The following AHCYL1 variants were observed in gnomAD, a reference collection of about 807,000 sequenced individuals.
AHCYL1 encodes the protein adenosylhomocysteinase like 1.
Under a neutral mutation model 79.3 loss-of-function variants are expected in AHCYL1, and 20 were observed. The ratio of observed to expected loss-of-function variants is 0.25; its 90% CI spans 0.18 to 0.37. The LOEUF is 0.37. Among genes scored for constraint, AHCYL1 ranks in the 10% least tolerant of loss-of-function variants. The probability of loss-of-function intolerance (pLI) is 1.00; values close to 1 mark genes in which losing one functional copy is unlikely to be tolerated. For synonymous variants in AHCYL1, 223 were observed against 242.2 expected (o/e 0.92, Z 0.74); for missense variants, 330 against 673.6 (o/e 0.49, Z 5.65).
intron 1 of AHCYL1, among the ~76,000 whole-genome samples, chr1:109,993,879 C>T (rs1649887606): frequency 2.0e-5 from 3 of 152,124 alleles, no homozygotes; most frequent in African/African-American, 7.2e-5. Flanking sequence ...AACAGGGAGG[C>T]TTTCACATAG....
intron 1 of AHCYL1, among the ~76,000 whole-genome samples, chr1:109,992,731 G>C (rs542498140): frequency 6.6e-6 from 1 of 152,182 alleles, no homozygotes; most frequent in Non-Finnish European, 1.5e-5. Context: ...GTAGAACAAT[G>C]GTTCTTACTC....
chr1:110,008,142 C>T (rs1471588433), intron 1 of AHCYL1, among the ~76,000 whole-genome samples: 1 of 151,102 alleles, frequency 6.6e-6, no homozygotes, highest in African/African-American at 2.4e-5. Context: ...CTGCCTCAGG[C>T]TCCCAAGTAG....
rs914315516 is a variant in AHCYL1 at position 110,016,548 on chromosome 1, G to A, written c.899+88G>A. 4 of 1,557,204 alleles carry A rather than the reference G, an allele frequency of 2.6e-6. No homozygotes were observed. The African/African-American group carries it at 4.1e-5, about 16-fold the overall frequency. ...TTTATTAGAGGGACCATTTCATACT[G>A]AGCTCAACCAGCTTCCAATTGATAT... On this transcript the variant is annotated intron_variant, in intron 8 of 16. Coordinates refer to ENST00000369799, the MANE Select transcript of AHCYL1 (RefSeq NM_006621.7).
At position 110,014,776 on chromosome 1, in the gene AHCYL1, C is replaced by T. The variant is rs144479834; in HGVS notation, c.594C>T (p.Phe198=). The change falls in exon 6 of 17, where the codon TTC becomes TTT. Residue 198 remains phenylalanine (F), a synonymous_variant. Coordinates refer to ENST00000369799, the MANE Select transcript of AHCYL1 (RefSeq NM_006621.7). ...CTGTCTCTACAGGAGTTGCAGTGTT[C>T]GCTTGGAAGGGCGAGTCAGAAGATG... is the stretch of plus-strand genomic sequence containing the variant. ...AALAEAGVAV[F]AWKGESEDDF... 50 of 1,614,062 alleles carry T rather than the reference C, an allele frequency of 3.1e-5. No homozygotes were observed. The African/African-American group carries it at 4.4e-4, about 14-fold the overall frequency.
In AHCYL1 at chr1:110,019,529, C is replaced by T. The variant is rs760509246; in HGVS notation, c.1387-19C>T. 10 of 1,583,248 alleles carry T rather than the reference C, an allele frequency of 6.3e-6. No individual in the cohort carries two copies. The highest frequency in any genetic ancestry group is 4.5e-5 in the East Asian group (2 of 44,732). On this transcript the variant is annotated intron_variant, in intron 14 of 16. Transcript: ENST00000369799. ...TAAGAAATATTTTTGTGCTTTCTGG[C>T]CTTCTTTTCCCACCTTAGGCTTTGG...
In AHCYL1 at chr1:109,984,796, T is replaced by A. The variant is rs1649367803; in HGVS notation, c.-257T>A. The A allele has an allele frequency of 2.8e-6, 1 of 356,946 alleles. No individual in the cohort carries two copies. The highest frequency in any genetic ancestry group is 2.2e-5 in the African/African-American group (1 of 45,306). The allele number at this position is 356,946 out of a possible 1,614,324, so 22.1% of individuals were successfully genotyped here. On this transcript the variant is annotated 5_prime_UTR_variant, in exon 1 of 17. Coordinates refer to ENST00000369799, the MANE Select transcript of AHCYL1 (RefSeq NM_006621.7). ...CGTGCGTGTTTGCGTACAGCGGAGG[T>A]GGCGGCGCGGGCAGGTCGGAGCTCG... is the stretch of plus-strand genomic sequence containing the variant.
intron 13 of AHCYL1, 60 bp downstream of exon 13, chr1:110,018,710 G>T (rs1207920614): frequency 4.2e-6 from 6 of 1,412,738 alleles, no homozygotes; most frequent in South Asian, 1.2e-5. Flanking sequence ...ATCTATGAGG[G>T]GGGAGGGGAG....
chr1:110,008,243 A>G (rs1236335633), intron 1 of AHCYL1, among the ~76,000 whole-genome samples: 1 of 151,858 alleles, frequency 6.6e-6, no homozygotes, highest in Non-Finnish European at 1.5e-5. Context: ...GCTGGTCTCC[A>G]TCTCCTGACC....
At chr1:109,988,775 T>C (rs114685301) in intron 1 of AHCYL1, among the ~76,000 whole-genome samples, 3,280 of 152,264 alleles carry the variant, frequency 0.022, 114 homozygotes, top group African/African-American at 0.074. Flanking sequence ...GAAACTACTT[T>C]TGTTTATAGG....
chr1:110,005,316 C>T (rs1018431824), intron 1 of AHCYL1, among the ~76,000 whole-genome samples: 5 of 152,126 alleles, frequency 3.3e-5, no homozygotes, highest in East Asian at 1.9e-4. Flanking sequence ...TTTGAAATAA[C>T]GAATTTGACA....
chr1:109,988,215 CTT>C (rs145566124), intron 1 of AHCYL1, among the ~76,000 whole-genome samples: 4,104 of 152,252 alleles, frequency 0.027, 157 homozygotes, highest in African/African-American at 0.093. Context: ...AAGGGGACGA[CTT>C]TTCCTGACAC....
intron 1 of AHCYL1, among the ~76,000 whole-genome samples, chr1:109,997,775 C>T (rs138145798): frequency 6.6e-6 from 1 of 152,278 alleles, no homozygotes; most frequent in African/African-American, 2.4e-5. Flanking sequence ...CACATAGAGT[C>T]CTGTGCTAGT....
chr1:109,991,727 G>A (rs1448789424), intron 1 of AHCYL1, among the ~76,000 whole-genome samples: 2 of 152,228 alleles, frequency 1.3e-5, no homozygotes. Flanking sequence ...ACAATGATGT[G>A]TGGCTCAGTG....
chr1:110,009,675 G>A (rs1368699672), intron 2 of AHCYL1, among the ~76,000 whole-genome samples: 1 of 152,186 alleles, frequency 6.6e-6, no homozygotes, highest in Non-Finnish European at 1.5e-5. Context: ...TCAGACTACT[G>A]TAATGTAACT....
At chr1:110,009,400 T>C (rs897849190) in intron 2 of AHCYL1, among the ~76,000 whole-genome samples, 2 of 152,218 alleles carry the variant, frequency 1.3e-5, no homozygotes, top group African/African-American at 4.8e-5. Context: ...AGGACTGGGC[T>C]AGTTCCCATT....
chr1:109,987,126 T>C (rs1197714141), intron 1 of AHCYL1, among the ~76,000 whole-genome samples: 1 of 152,236 alleles, frequency 6.6e-6, no homozygotes, highest in Non-Finnish European at 1.5e-5. Flanking sequence ...ATTTACGTAG[T>C]ACTTTGTAAT....
At position 110,018,021 on chromosome 1, in the gene AHCYL1, A is replaced by G; in HGVS notation, c.1123+5A>G. On this transcript the variant is annotated splice_donor_5th_base_variant and intron_variant, in intron 11 of 16. Transcript: ENST00000369799. ...ATGTCGTAATAACTTGCACAGGTAAATAACTTGCATAGAGAAGTGTTTATT... is the reference window on the plus strand; with the variant it reads ...ATGTCGTAATAACTTGCACAGGTAAGTAACTTGCATAGAGAAGTGTTTATT... The G allele has an allele frequency of 6.2e-7, 1 of 1,614,154 alleles. No homozygotes were observed. The highest frequency in any genetic ancestry group is 8.5e-7 in the Non-Finnish European group (1 of 1,179,974).
At position 109,984,862 on chromosome 1, in the gene AHCYL1, CGGCTGCCTTG is replaced by C; in HGVS notation, c.-183_-174del. The C allele has an allele frequency of 2.2e-6, 2 of 913,534 alleles. No individual in the cohort carries two copies. The highest frequency in any genetic ancestry group is 2.9e-6 in the Non-Finnish European group (2 of 695,210). The allele number at this position is 913,534 out of a possible 1,614,324, so 56.6% of individuals were successfully genotyped here. Reference sequence around the variant, plus strand: ...TTCTCTTGTGGCCGCCGTCGCTGTCCGGCTGCCTTGGGCTGCCGAACAGACAAGGCGTGGG... The same window carrying C: ...TTCTCTTGTGGCCGCCGTCGCTGTCCGGCTGCCGAACAGACAAGGCGTGGG... On this transcript the variant is annotated 5_prime_UTR_variant, in exon 1 of 17. Coordinates refer to ENST00000369799, the MANE Select transcript of AHCYL1 (RefSeq NM_006621.7).
Position 109,985,136 on chromosome 1 carries a change from C to T in AHCYL1, c.84C>T (p.Tyr28=), listed in dbSNP as rs138952380. Reference sequence around the variant, plus strand: ...AGGAGATCGAGGACGCCGAGAAGTACTCCTTCATGGCCACCGTCACCAAGG... The same window carrying T: ...AGGAGATCGAGGACGCCGAGAAGTATTCCTTCATGGCCACCGTCACCAAGG... ...QAKEIEDAEK[Y]SFMATVTKAP... is the part of the protein sequence containing the mutation. Residue 28 remains tyrosine, a synonymous_variant, in exon 1 of 17, where the codon TAC becomes TAT. Transcript: ENST00000369799. 6.0e-5 allele frequency: 96 copies of T among 1,610,948 alleles called. No individual in the cohort carries two copies. The Middle Eastern group carries it at 6.6e-4, about 11-fold the overall frequency.
Sources: gnomAD v4.1 joint callset for allele counts (sites outside exome capture counted in the v4.1 genomes callset) on GRCh38, gnomAD v4.1.1 for gene constraint, MANE v1.5 for transcripts, NCBI Gene and HGNC (gene_info 2026-07-23, HGNC 2026-07-21) for gene names.